The following SCUBE1 variants were observed in gnomAD, a reference collection of about 807,000 sequenced individuals.
The protein encoded by SCUBE1 is signal peptide, CUB and EGF-like domain-containing protein 1.
In SCUBE1, 59 loss-of-function variants were observed where a neutral mutation model predicts 124.4. That is an observed-to-expected ratio of 0.47 (90% CI 0.38 to 0.59). SCUBE1 has a LOEUF of 0.59. Ranked by LOEUF, SCUBE1 falls within the 20% of genes least tolerant of loss-of-function variation. The pLI is 0.00. For synonymous variants in SCUBE1, 545 were observed against 550.9 expected (o/e 0.99, Z 0.15); for missense variants, 1,150 against 1,371.2 (o/e 0.84, Z 2.55).
Position 43,238,841 on chromosome 22 carries a change from T to C in SCUBE1, c.841A>G (p.Lys281Glu), listed in dbSNP as rs1482117715. 5 of 1,611,338 alleles carry C rather than the reference T, an allele frequency of 3.1e-6. No individual in the cohort carries two copies. The highest frequency in any genetic ancestry group is 4.2e-6 in the Non-Finnish European group (5 of 1,178,318). ...FTLQPDGKTC[K>E]DINECLVNNG... is the part of the protein sequence containing the mutation. ...CCACACAGCTCCACATGCTGACCTT[T>C]GCATGTCTTCCCGTCCGGCTGCAGT... Residue 281 changes from lysine (K) to glutamate (E), a missense_variant, in exon 7 of 22, where the codon AAA (lysine) becomes GAA (glutamate). Around this residue, in one of 3 missense-constraint regions of SCUBE1, gnomAD observed 337 missense variants for 482.1 expected, o/e 0.70. Transcript: ENST00000360835.
intron 14 of SCUBE1, 80 bp downstream of exon 14, chr22:43,220,370 C>T (rs534463115): frequency 1.3e-6 from 2 of 1,508,260 alleles, no homozygotes; most frequent in Admixed American, 3.6e-5. Flanking sequence ...AGCTTCATGC[C>T]TGGCAGGCCC....
chr22:43,239,273 C>T (rs1922901240), intron 6 of SCUBE1, among the ~76,000 whole-genome samples: 1 of 152,240 alleles, frequency 6.6e-6, no homozygotes, highest in South Asian at 2.1e-4. Flanking sequence ...TGGGGCCAGA[C>T]TGGCCTGGCT....
intron 14 of SCUBE1, among the ~76,000 whole-genome samples, 186 bp downstream of exon 14, chr22:43,220,264 C>T (rs1008587905): frequency 1.3e-5 from 2 of 152,170 alleles, no homozygotes; most frequent in African/African-American, 2.4e-5. Flanking sequence ...GGGCTGCAAG[C>T]GTTGACCCCT....
chr22:43,343,154 C>A lies in SCUBE1; in HGVS notation c.88+20G>T. The A allele has an allele frequency of 8.8e-7, 1 of 1,136,840 alleles. No individual in the cohort carries two copies. Among genetic ancestry groups the A allele is most frequent in the Non-Finnish European group, 1.1e-6 (1 of 926,526 alleles). The allele number at this position is 1,136,840 out of a possible 1,614,324, so 70.4% of individuals were successfully genotyped here. A position where few individuals can be genotyped will look rare whatever the true frequency, so the allele number is the denominator to read the frequency against. On this transcript the variant is annotated intron_variant, in intron 1 of 21. Coordinates refer to ENST00000360835, the MANE Select transcript of SCUBE1 (RefSeq NM_173050.5). ...CGAGCCCCCCGCGCCCGCCGCCCCC[C>A]ACCTCGGTCGGGGGCTTACCTGGGA...
intron 4 of SCUBE1, chr22:43,282,737 C>G (rs1924972103): frequency 6.6e-6 from 1 of 151,694 alleles, no homozygotes; most frequent in East Asian, 1.9e-4. Flanking sequence ...ACTCTGTCAC[C>G]CAGGCTTGGG....
chr22:43,343,109 G>C (rs1285245671), intron 1 of SCUBE1, 65 bp downstream of exon 1: 6 of 816,078 alleles, frequency 7.4e-6, no homozygotes, highest in Non-Finnish European at 9.3e-6. Context: ...GAAGCCCTCC[G>C]GGACCGCGCC....
At chr22:43,216,178 C>G (rs987708633) in intron 15 of SCUBE1, among the ~76,000 whole-genome samples, 22 of 151,908 alleles carry the variant, frequency 1.4e-4, no homozygotes, top group Non-Finnish European at 2.9e-5. Flanking sequence ...TCCCCAGTAG[C>G]TAGGATTGCA....
At chr22:43,248,877 G>A (rs1221873761) in intron 6 of SCUBE1, among the ~76,000 whole-genome samples, 17 of 152,130 alleles carry the variant, frequency 1.1e-4, no homozygotes, top group Admixed American at 9.8e-4. Flanking sequence ...ATCCATCCCC[G>A]GGCACCTCCT....
At chr22:43,219,648 AT>A (rs1167333042) in intron 14 of SCUBE1, among the ~76,000 whole-genome samples, 1 of 151,614 alleles carries the variant, frequency 6.6e-6, no homozygotes, top group African/African-American at 2.4e-5. Flanking sequence ...TAATTTTTGT[AT>A]TTTTAGTAGA....
Position 43,276,918 on chromosome 22 carries a change from C to T in SCUBE1, c.485-14073G>A, listed in dbSNP as rs144590994. On this transcript the variant is annotated intron_variant, in intron 4 of 21. Transcript: ENST00000360835. ...CTCACGCACGTCAACTCCATGACCT[C>T]GCCTCAGCTTTTCCTGACTGCCTGC... Among the ~76,000 whole-genome samples the T allele has an allele frequency of 2.2e-3, 341 of 152,298 alleles. 3 individuals carry two copies. The highest frequency in any genetic ancestry group is 0.01 in the Middle Eastern group (3 of 294).
At chr22:43,334,382 A>T (rs1926996362) in intron 2 of SCUBE1, among the ~76,000 whole-genome samples, 2 of 152,258 alleles carry the variant, frequency 1.3e-5, no homozygotes, top group South Asian at 4.1e-4. Context: ...TTATATGAAC[A>T]GTCGATGAAC....
intron 4 of SCUBE1, among the ~76,000 whole-genome samples, chr22:43,285,238 T>C (rs544275015): frequency 1.8e-4 from 28 of 152,064 alleles, no homozygotes; most frequent in Non-Finnish European, 3.4e-4. Flanking sequence ...CACTGACCAA[T>C]ATCTAACAGC....
chr22:43,328,459 A>G (rs913038029), intron 2 of SCUBE1, among the ~76,000 whole-genome samples: 2 of 152,180 alleles, frequency 1.3e-5, no homozygotes, highest in African/African-American at 4.8e-5. Context: ...GGGCTGCTCC[A>G]TAGGCCCAGC....
At chr22:43,280,765 T>C (rs1438200383) in intron 4 of SCUBE1, among the ~76,000 whole-genome samples, 2 of 94,444 alleles carry the variant, frequency 2.1e-5, no homozygotes, top group African/African-American at 5.3e-5. Flanking sequence ...ACCTCCCTCA[T>C]TGGCCACCCT....
intron 8 of SCUBE1, among the ~76,000 whole-genome samples, chr22:43,229,819 G>A (rs1193749127): frequency 6.6e-6 from 1 of 152,154 alleles, no homozygotes; most frequent in East Asian, 1.9e-4. Flanking sequence ...TTCCTGGAAA[G>A]GAAAAAATGA....
At chr22:43,218,174 G>T in intron 15 of SCUBE1, 81 bp downstream of exon 15, 1 of 1,380,562 alleles carries the variant, frequency 7.2e-7, no homozygotes, top group Non-Finnish European at 1.0e-6. Context: ...TGTCTCACCT[G>T]CGTGCCCACC....
At chr22:43,206,916 G>A (rs1390625584) in intron 21 of SCUBE1, among the ~76,000 whole-genome samples, 1 of 152,218 alleles carries the variant, frequency 6.6e-6, no homozygotes, top group East Asian at 1.9e-4. Flanking sequence ...GGAGACTCAA[G>A]TGAATCTTCC....
At chr22:43,320,876 G>C (rs188933447) in intron 2 of SCUBE1, among the ~76,000 whole-genome samples, 104 of 152,336 alleles carry the variant, frequency 6.8e-4, no homozygotes, top group African/African-American at 2.5e-3. Flanking sequence ...GTGGGTTTCA[G>C]AGCCCAAGGG....
chr22:43,316,980 G>A (rs1029045217), intron 3 of SCUBE1: 3 of 152,220 alleles, frequency 2.0e-5, no homozygotes, highest in Non-Finnish European at 2.9e-5. Flanking sequence ...AGAGCACTCA[G>A]GACACCCAGT....
Sources: gnomAD v4.1 joint callset for allele counts (sites outside exome capture counted in the v4.1 genomes callset) on GRCh38, gnomAD v4.1.1 for gene constraint, gnomAD v4.1.1 regional missense constraint, MANE v1.5 for transcripts, NCBI Gene and HGNC (gene_info 2026-07-23, HGNC 2026-07-21) for gene names.